PARD3: variants seen among roughly 807,000 people sequenced by gnomAD.
The protein encoded by PARD3 is partitioning defective 3 homolog.
In PARD3, 75 loss-of-function variants were observed where a neutral mutation model predicts 155.4. The ratio of observed to expected loss-of-function variants is 0.48; its 90% confidence interval spans 0.40 to 0.58. The LOEUF (loss-of-function observed/expected upper bound fraction) is 0.58, where lower values mean the gene tolerates loss of function less well. Ranked by LOEUF, PARD3 falls within the 20% of genes least tolerant of loss-of-function variation. The pLI is 0.00. For missense variants in PARD3, 1,642 were observed against 1,721.7 expected (o/e 0.95, Z 0.82); for synonymous variants, 576 against 610.5 (o/e 0.94, Z 0.83).
intron 22 of PARD3, among the ~76,000 whole-genome samples, chr10:34,229,201 C>T (rs1033507296): frequency 6.6e-6 from 1 of 151,956 alleles, no homozygotes; most frequent in South Asian, 2.1e-4. Context: ...CCTCCAAATA[C>T]AGCTTAAAAA....
intron 1 of PARD3, among the ~76,000 whole-genome samples, chr10:34,700,817 T>C (rs904691478): frequency 6.6e-6 from 1 of 151,774 alleles, no homozygotes; most frequent in Non-Finnish European, 1.5e-5. Context: ...ACAAAAAGCA[T>C]AAAAATTAGC....
intron 22 of PARD3, among the ~76,000 whole-genome samples, chr10:34,155,668 A>ATG (rs3039232): frequency 0.45 from 63,486 of 140,174 alleles, 15,325 homozygotes; most frequent in East Asian, 0.54. Context: ...CCCTCTAAAA[A>ATG]TGTGTGTGTG....
intron 22 of PARD3, among the ~76,000 whole-genome samples, chr10:34,249,026 T>A (rs1486784461): frequency 1.3e-5 from 2 of 151,932 alleles, no homozygotes; most frequent in Non-Finnish European, 2.9e-5. Context: ...GGCTCCTTAA[T>A]TTTTTTTAGA....
intron 5 of PARD3, among the ~76,000 whole-genome samples, chr10:34,419,282 C>G (rs1452348791): frequency 1.3e-5 from 2 of 152,100 alleles, no homozygotes; most frequent in East Asian, 1.9e-4. Flanking sequence ...CTTTGGTAAG[C>G]TGAGGCAGGC....
At chr10:34,531,051 T>C (rs186160690) in intron 2 of PARD3, among the ~76,000 whole-genome samples, 18 of 152,326 alleles carry the variant, frequency 1.2e-4, no homozygotes, top group Admixed American at 5.9e-4. Context: ...AATCAAAAGA[T>C]TGGCAGCTGG....
chr10:34,481,339 C>T lies in PARD3; in HGVS notation c.404-11076G>A, dbSNP rs116530856. Among the ~76,000 whole-genome samples, 981 of 152,172 alleles carry T rather than the reference C, an allele frequency of 6.4e-3. 7 individuals carry two copies. The highest frequency in any genetic ancestry group is 0.023 in the African/African-American group (934 of 41,508). On this transcript the variant is annotated intron_variant, in intron 3 of 24. Coordinates refer to ENST00000374788, the MANE Select transcript of PARD3 (RefSeq NM_001184785.2). ...AGGGTAGAACAGAGTGGTTAAGGGGCATAAGAAATGGACATCAGAGGTGAA... is the reference window on the plus strand; with the variant it reads ...AGGGTAGAACAGAGTGGTTAAGGGGTATAAGAAATGGACATCAGAGGTGAA...
At chr10:34,243,512 C>T (rs1051513631) in intron 22 of PARD3, among the ~76,000 whole-genome samples, 6 of 152,146 alleles carry the variant, frequency 3.9e-5, no homozygotes, top group Admixed American at 2.6e-4. Context: ...TCATTGAAGT[C>T]TGAAGATCTA....
chr10:34,153,343 T>C (rs1281039339), intron 22 of PARD3, among the ~76,000 whole-genome samples: 3 of 152,132 alleles, frequency 2.0e-5, no homozygotes, highest in Non-Finnish European at 4.4e-5. Context: ...CATATTTGAA[T>C]TAGGGGAGAG....
intron 22 of PARD3, among the ~76,000 whole-genome samples, chr10:34,154,892 T>G (rs1948935357): frequency 6.6e-6 from 1 of 152,216 alleles, no homozygotes; most frequent in South Asian, 2.1e-4. Flanking sequence ...TAGTGACAAT[T>G]ACCATTGTTA....
chr10:34,444,509 G>A (rs763329175), intron 5 of PARD3, among the ~76,000 whole-genome samples: 9 of 152,220 alleles, frequency 5.9e-5, no homozygotes, highest in Admixed American at 2.6e-4. Flanking sequence ...TTTTTTGTTC[G>A]TTTGTTTCTT....
intron 22 of PARD3, among the ~76,000 whole-genome samples, chr10:34,253,280 C>G (rs1258034036): frequency 6.6e-6 from 1 of 152,208 alleles, no homozygotes; most frequent in East Asian, 1.9e-4. Flanking sequence ...CAGATACTGT[C>G]CTTGACTCAC....
chr10:34,419,696 A>G (rs1055180587), intron 5 of PARD3, among the ~76,000 whole-genome samples: 1 of 152,228 alleles, frequency 6.6e-6, no homozygotes, highest in Admixed American at 6.5e-5. Context: ...AATTAGTGGT[A>G]AAGTATATAA....
intron 1 of PARD3, among the ~76,000 whole-genome samples, chr10:34,757,018 C>T (rs1365969096): frequency 1.3e-5 from 2 of 152,196 alleles, no homozygotes; most frequent in African/African-American, 4.8e-5. Context: ...AGATAAATAA[C>T]ATAATGTCTT....
At chr10:34,412,976 G>A (rs1845243066) in intron 5 of PARD3, among the ~76,000 whole-genome samples, 1 of 152,010 alleles carries the variant, frequency 6.6e-6, no homozygotes. Flanking sequence ...CACACTGGGG[G>A]ATCAGAACTG....
chr10:34,744,351 T>TA (rs1031123910), intron 1 of PARD3, among the ~76,000 whole-genome samples: 19 of 152,280 alleles, frequency 1.2e-4, no homozygotes, highest in African/African-American at 4.3e-4. Context: ...ATCTCAAAAA[T>TA]AAAAAAACTT....
At chr10:34,729,492 C>T (rs188962992) in intron 1 of PARD3, among the ~76,000 whole-genome samples, 1 of 149,050 alleles carries the variant, frequency 6.7e-6, no homozygotes, top group African/African-American at 2.5e-5. Context: ...CATCACACCA[C>T]TGCACTCCAG....
At chr10:34,650,231 T>C (rs556196168) in intron 2 of PARD3, among the ~76,000 whole-genome samples, 2 of 152,324 alleles carry the variant, frequency 1.3e-5, no homozygotes, top group African/African-American at 4.8e-5. Flanking sequence ...GTGCTAGACG[T>C]TTATACAACC....
intron 2 of PARD3, among the ~76,000 whole-genome samples, chr10:34,550,605 T>C (rs1315768378): frequency 6.6e-6 from 1 of 152,184 alleles, no homozygotes; most frequent in African/African-American, 2.4e-5. Context: ...ATAAAAATTT[T>C]CAAGGAAATC....
rs76461070 is a variant in PARD3, at chr10:34,494,679, C to T, written c.403+22300G>A. On this transcript the variant is annotated intron_variant, in intron 3 of 24. Coordinates refer to ENST00000374788, the MANE Select transcript of PARD3 (RefSeq NM_001184785.2). ...AAATGCTCAATTCCACTAATACAAA[C>T]ATTATTAAACATATACAAGGAATAG... Among the ~76,000 whole-genome samples, 184 of 152,220 alleles carry T rather than the reference C, an allele frequency of 1.2e-3. 1 individual carries two copies. Among genetic ancestry groups the T allele is most frequent in the African/African-American group, 4.3e-3 (178 of 41,526 alleles).
Sources: gnomAD v4.1 joint callset for allele counts (sites outside exome capture counted in the v4.1 genomes callset) on GRCh38, gnomAD v4.1.1 for gene constraint, MANE v1.5 for transcripts, NCBI Gene and HGNC (gene_info 2026-07-23, HGNC 2026-07-21) for gene names.